The following TMEM135 variants were observed in gnomAD, a reference collection of about 807,000 sequenced individuals.
TMEM135 encodes transmembrane protein 135, also known as peroxisomal membrane protein 52.
Under a neutral mutation model 60.3 loss-of-function variants are expected in TMEM135, and 30 were observed. The observed-to-expected ratio is 0.50, with a 90% CI of 0.37 to 0.68. The LOEUF (loss-of-function observed/expected upper bound fraction) is 0.68, where lower values mean the gene tolerates loss of function less well. Ranked by LOEUF, TMEM135 falls within the 30% of genes least tolerant of loss-of-function variation. The pLI, the probability that TMEM135 is intolerant of heterozygous loss-of-function variation, is 0.00. For missense variants in TMEM135, 468 were observed against 548.8 expected, an observed-to-expected ratio of 0.85 and a Z score of 1.47; for synonymous variants, 190 against 186.7, an observed-to-expected ratio of 1.02 and a Z score of -0.14.
chr11:87,299,698 G>A (rs1590856303), intron 7 of TMEM135, among the ~76,000 whole-genome samples: 1 of 152,140 alleles, frequency 6.6e-6, no homozygotes, highest in Non-Finnish European at 1.5e-5. Context: ...GGTCTAGTGG[G>A]GAAGACAGCA....
At chr11:87,041,665 C>G (rs1949751138) in intron 1 of TMEM135, among the ~76,000 whole-genome samples, 2 of 152,136 alleles carry the variant, frequency 1.3e-5, no homozygotes, top group South Asian at 4.2e-4. Flanking sequence ...TGATATATGT[C>G]TCTATCTTCT....
chr11:87,165,675 T>G (rs1727847528), intron 5 of TMEM135, among the ~76,000 whole-genome samples: 1 of 151,356 alleles, frequency 6.6e-6, no homozygotes, highest in African/African-American at 2.4e-5. Context: ...GGTCCTGGAC[T>G]CTTTACTAGA....
At chr11:87,277,746 T>C (rs1941994167) in intron 6 of TMEM135, among the ~76,000 whole-genome samples, 1 of 152,040 alleles carries the variant, frequency 6.6e-6, no homozygotes, top group Non-Finnish European at 1.5e-5. Context: ...GGTCTCGAAC[T>C]CCTAACCTTA....
intron 4 of TMEM135, among the ~76,000 whole-genome samples, chr11:87,101,555 G>A (rs1033601011): frequency 1.3e-5 from 2 of 152,138 alleles, no homozygotes; most frequent in South Asian, 2.1e-4. Context: ...CAGTATCTAC[G>A]TTTTAATTGT....
chr11:87,292,609 ATACTCT>A (rs1164321659), intron 6 of TMEM135, among the ~76,000 whole-genome samples: 1 of 89,852 alleles, frequency 1.1e-5, no homozygotes, highest in African/African-American at 3.9e-5. Context: ...TGCTCATACA[ATACTCT>A]TAGTGTCAAA....
chr11:87,043,036 A>G (rs1384841201), intron 1 of TMEM135, among the ~76,000 whole-genome samples: 2 of 146,368 alleles, frequency 1.4e-5, no homozygotes, highest in African/African-American at 5.1e-5. Context: ...GCTCACTACA[A>G]CCTCCGCCTC....
At chr11:87,087,945 T>C (rs1321955180) in intron 3 of TMEM135, among the ~76,000 whole-genome samples, 3 of 152,092 alleles carry the variant, frequency 2.0e-5, no homozygotes, top group African/African-American at 7.2e-5. Flanking sequence ...TTCATGTTGG[T>C]CAGGCTGGTC....
At chr11:87,266,259 G>T (rs573077870) in intron 6 of TMEM135, among the ~76,000 whole-genome samples, 1 of 151,984 alleles carries the variant, frequency 6.6e-6, no homozygotes, top group Non-Finnish European at 1.5e-5. Context: ...ACCCTTGGCT[G>T]GTAAAATTCC....
chr11:87,166,516 T>C lies in TMEM135; in HGVS notation c.462+9110T>C, dbSNP rs946868863. ...AGGAAGGGGTCCAGTTTCAGTTTTC[T>C]GCATATGGCTAGCCAGTTTTCCCAA... On this transcript the variant is annotated intron_variant, in intron 5 of 14. Transcript: ENST00000305494. Among the ~76,000 whole-genome samples, 8 of 151,918 alleles carry C rather than the reference T, an allele frequency of 5.3e-5. 1 individual carries two copies. In the South Asian group the frequency reaches 1.5e-3, roughly 28 times the overall value.
chr11:87,159,593 G>GCGCACACACACA lies in TMEM135; in HGVS notation c.462+2188_462+2189insGCACACACACAC, dbSNP rs56665411. Among the ~76,000 whole-genome samples, 6 of 124,964 alleles carry GCGCACACACACA rather than the reference G, an allele frequency of 4.8e-5. No individual in the cohort carries two copies. In the East Asian group the frequency reaches 6.3e-4, roughly 13 times the overall value. The allele number at this position is 124,964 out of a possible 152,430, so 82.0% of individuals were successfully genotyped here. A position where few individuals can be genotyped will look rare whatever the true frequency, so the allele number is the denominator to read the frequency against. ...AAGATACTACTGAATACACACACGC[G>GCGCACACACACA]CACACACACACACACACACACACAC... On this transcript the variant is annotated intron_variant, in intron 5 of 14. Transcript: ENST00000305494.
intron 4 of TMEM135, among the ~76,000 whole-genome samples, chr11:87,123,690 T>C (rs1937643186): frequency 6.6e-6 from 1 of 152,192 alleles, no homozygotes; most frequent in Non-Finnish European, 1.5e-5. Context: ...TGTGCTCTAT[T>C]TGCTTATTCC....
chr11:87,235,592 G>C (rs1940978354), intron 5 of TMEM135, among the ~76,000 whole-genome samples: 1 of 151,840 alleles, frequency 6.6e-6, no homozygotes, highest in African/African-American at 2.4e-5. Flanking sequence ...TTTCATTTCT[G>C]TTCTTGTGGT....
At chr11:87,165,556 A>C (rs1193678099) in intron 5 of TMEM135, among the ~76,000 whole-genome samples, 1 of 147,296 alleles carries the variant, frequency 6.8e-6, no homozygotes, top group Non-Finnish European at 1.5e-5. Context: ...TGGCCTCATA[A>C]AATGAGTTAG....
At chr11:87,114,517 A>G (rs914272280) in intron 4 of TMEM135, among the ~76,000 whole-genome samples, 3 of 152,190 alleles carry the variant, frequency 2.0e-5, no homozygotes, top group African/African-American at 7.2e-5. Context: ...TGAACAACCG[A>G]TGGAGAATTG....
At chr11:87,116,964 A>C (rs1316595944) in intron 4 of TMEM135, among the ~76,000 whole-genome samples, 1 of 152,022 alleles carries the variant, frequency 6.6e-6, no homozygotes, top group Non-Finnish European at 1.5e-5. Flanking sequence ...CTGGGATTAC[A>C]GGCATGTGCC....
intron 4 of TMEM135, among the ~76,000 whole-genome samples, chr11:87,093,101 A>G (rs142397032): frequency 1.1e-3 from 160 of 152,240 alleles, no homozygotes; most frequent in African/African-American, 3.7e-3. Context: ...GTCCCTCTTC[A>G]TATTTTCTTA....
chr11:87,046,341 A>C (rs1949796073), intron 1 of TMEM135, among the ~76,000 whole-genome samples: 1 of 150,594 alleles, frequency 6.6e-6, no homozygotes, highest in Admixed American at 6.6e-5. Context: ...TGGAGATCTC[A>C]GCTCCCCAGC....
intron 3 of TMEM135, among the ~76,000 whole-genome samples, chr11:87,088,003 G>A (rs1444295269): frequency 1.3e-5 from 2 of 152,170 alleles, no homozygotes; most frequent in African/African-American, 4.8e-5. Context: ...CTCCTGAAGT[G>A]TTGGGATTAC....
rs1168173179 is a variant in TMEM135 at position 87,319,027 on chromosome 11, C to T, written c.1177-283C>T. On this transcript the variant is annotated intron_variant, in intron 13 of 14. Coordinates refer to ENST00000305494, the MANE Select transcript of TMEM135 (RefSeq NM_022918.4). ...GGGATTACAGGCATGCACCACCACGCCTGGCTAATTTTTGTATTTTCAGTA... is the reference window on the plus strand; with the variant it reads ...GGGATTACAGGCATGCACCACCACGTCTGGCTAATTTTTGTATTTTCAGTA... 1.3e-4 allele frequency: 44 copies of T among 327,358 alleles called. 4 individuals carry two copies. Among genetic ancestry groups the T allele is most frequent in the South Asian group, 1.3e-3 (42 of 32,298 alleles). The allele number at this position is 327,358 out of a possible 1,614,324, so 20.3% of individuals were successfully genotyped here.
Sources: gnomAD v4.1 joint callset for allele counts (sites outside exome capture counted in the v4.1 genomes callset) on GRCh38, gnomAD v4.1.1 for gene constraint, MANE v1.5 for transcripts, NCBI Gene and HGNC (gene_info 2026-07-23, HGNC 2026-07-21) for gene names.